VAV3: variants seen among roughly 807,000 people sequenced by gnomAD.
VAV3 encodes vav guanine nucleotide exchange factor 3, also known as guanine nucleotide exchange factor VAV3.
A neutral mutation model predicts 131.2 loss-of-function variants in VAV3; 94 were observed. That is an observed-to-expected ratio of 0.72 (90% CI 0.61 to 0.85). The LOEUF is 0.85. VAV3 is among the 40% of genes least tolerant of loss of function. VAV3 has a pLI of 0.00. For synonymous variants in VAV3, 349 were observed against 342.0 expected (o/e 1.02, Z -0.22); for missense variants, 939 against 1,002.7 (o/e 0.94, Z 0.86).
At chr1:107,863,214 C>T (rs1669823418) in intron 2 of VAV3, among the ~76,000 whole-genome samples, 1 of 152,142 alleles carries the variant, frequency 6.6e-6, no homozygotes. Context: ...TCTCTCTTCT[C>T]ATCCTCTGAC....
intron 15 of VAV3, among the ~76,000 whole-genome samples, chr1:107,737,658 C>T (rs1257829589): frequency 6.6e-6 from 1 of 152,136 alleles, no homozygotes; most frequent in Admixed American, 6.5e-5. Context: ...CAATGAGATA[C>T]CATCTCACAC....
chr1:107,677,020 C>T (rs371002866), intron 19 of VAV3, among the ~76,000 whole-genome samples: 17 of 152,054 alleles, frequency 1.1e-4, no homozygotes, highest in African/African-American at 1.9e-4. Context: ...AAAGGAAAAA[C>T]GATCCATAAA....
At chr1:107,737,506 C>T (rs1286014411) in intron 15 of VAV3, among the ~76,000 whole-genome samples, 1 of 152,264 alleles carries the variant, frequency 6.6e-6, no homozygotes, top group African/African-American at 2.4e-5. Flanking sequence ...AACAAATTTA[C>T]AAGAAAAAAT....
intron 12 of VAV3, among the ~76,000 whole-genome samples, chr1:107,754,474 G>A (rs1413762127): frequency 6.6e-6 from 1 of 152,206 alleles, no homozygotes; most frequent in Non-Finnish European, 1.5e-5. Flanking sequence ...ACTGCCCACA[G>A]ATTAATCCAG....
intron 20 of VAV3, among the ~76,000 whole-genome samples, chr1:107,627,144 G>A (rs879267462): frequency 2.6e-5 from 4 of 152,136 alleles, no homozygotes; most frequent in Admixed American, 6.5e-5. Context: ...TGGGTTGTGC[G>A]TTATTGCACA....
chr1:107,843,842 C>A (rs1169150881), intron 2 of VAV3, among the ~76,000 whole-genome samples: 3 of 151,934 alleles, frequency 2.0e-5, no homozygotes, highest in Admixed American at 6.6e-5. Flanking sequence ...GAGCGGGGAG[C>A]TTTCCACTGT....
chr1:107,895,526 C>T (rs1390921733), intron 1 of VAV3, among the ~76,000 whole-genome samples: 5 of 152,084 alleles, frequency 3.3e-5, no homozygotes, highest in Non-Finnish European at 7.4e-5. Context: ...TAAATAGTTG[C>T]CCAATGTCAT....
intron 20 of VAV3, among the ~76,000 whole-genome samples, chr1:107,637,723 G>A (rs2101464244): frequency 6.6e-6 from 1 of 152,254 alleles, no homozygotes; most frequent in East Asian, 1.9e-4. Flanking sequence ...ACACACTTCA[G>A]GAAGAAATAA....
chr1:107,716,323 A>G (rs1661087497), intron 15 of VAV3, among the ~76,000 whole-genome samples: 1 of 152,184 alleles, frequency 6.6e-6, no homozygotes, highest in Non-Finnish European at 1.5e-5. Flanking sequence ...CAGCCAGTAA[A>G]GACTTTTAAA....
intron 17 of VAV3, among the ~76,000 whole-genome samples, chr1:107,696,342 A>G (rs1469496920): frequency 1.3e-5 from 2 of 152,242 alleles, no homozygotes; most frequent in Non-Finnish European, 2.9e-5. Context: ...AAAATATACA[A>G]TAAATTATTG....
chr1:107,748,088 A>T (rs1014953382), intron 15 of VAV3, among the ~76,000 whole-genome samples: 1 of 152,186 alleles, frequency 6.6e-6, no homozygotes, highest in South Asian at 2.1e-4. Context: ...ACCACAATAA[A>T]ACATCCTATT....
intron 20 of VAV3, among the ~76,000 whole-genome samples, chr1:107,630,937 T>C (rs1654421187): frequency 6.6e-6 from 1 of 152,198 alleles, no homozygotes; most frequent in Non-Finnish European, 1.5e-5. Flanking sequence ...GTTTCCTACA[T>C]GTACCTTCCA....
At chr1:107,668,285 T>C (rs950224042) in intron 19 of VAV3, among the ~76,000 whole-genome samples, 8 of 152,190 alleles carry the variant, frequency 5.3e-5, no homozygotes, top group African/African-American at 1.7e-4. Context: ...GCTAAATTAG[T>C]TAAAAACATA....
chr1:107,637,304 T>C (rs1200933303), intron 20 of VAV3, among the ~76,000 whole-genome samples: 3 of 152,024 alleles, frequency 2.0e-5, no homozygotes, highest in African/African-American at 4.8e-5. Context: ...TGAATAGCCA[T>C]ATGTTTGTTT....
chr1:107,822,076 A>G (rs928838162), intron 2 of VAV3, among the ~76,000 whole-genome samples: 23 of 152,170 alleles, frequency 1.5e-4, no homozygotes, highest in Non-Finnish European at 8.8e-5. Context: ...CTTTGTGGGC[A>G]GGACTAGGGC....
chr1:107,797,891 C>G (rs1666623992), intron 2 of VAV3, among the ~76,000 whole-genome samples: 1 of 152,150 alleles, frequency 6.6e-6, no homozygotes, highest in African/African-American at 2.4e-5. Context: ...GATTTTCCAA[C>G]TCAGTAGGGA....
intron 2 of VAV3, among the ~76,000 whole-genome samples, chr1:107,787,199 T>C (rs887681410): frequency 6.6e-6 from 1 of 152,214 alleles, no homozygotes; most frequent in Non-Finnish European, 1.5e-5. Flanking sequence ...TTTTCTTCTG[T>C]CCTGGTTATT....
At chr1:107,897,553 G>A (rs1311668018) in intron 1 of VAV3, among the ~76,000 whole-genome samples, 3 of 151,992 alleles carry the variant, frequency 2.0e-5, no homozygotes, top group Non-Finnish European at 4.4e-5. Context: ...CACCAGGGTC[G>A]CAGTTTAGTC....
intron 25 of VAV3, among the ~76,000 whole-genome samples, chr1:107,574,998 C>A (rs61801409): frequency 6.9e-6 from 1 of 144,554 alleles, no homozygotes. Flanking sequence ...TGTGTGCGTG[C>A]GTGCGCGCGC....
Sources: gnomAD v4.1 joint callset for allele counts (sites outside exome capture counted in the v4.1 genomes callset) on GRCh38, gnomAD v4.1.1 for gene constraint, MANE v1.5 for transcripts, NCBI Gene and HGNC (gene_info 2026-07-23, HGNC 2026-07-21) for gene names.